SLC8A1: variants seen among roughly 807,000 people sequenced by gnomAD.
The protein encoded by SLC8A1 is solute carrier family 8 member A1.
A neutral mutation model predicts 68.3 loss-of-function variants in SLC8A1; 18 were observed. That is an observed-to-expected ratio of 0.26 (90% CI 0.18 to 0.39). SLC8A1 has a LOEUF of 0.39. Ranked by LOEUF, SLC8A1 falls within the 10% of genes least tolerant of loss-of-function variation. SLC8A1 has a pLI of 1.00. For missense variants in SLC8A1, 985 were observed against 1,156.7 expected, an observed-to-expected ratio of 0.85 and a Z score of 2.15; for synonymous variants, 475 against 415.5, an observed-to-expected ratio of 1.14 and a Z score of -1.74.
intron 2 of SLC8A1, among the ~76,000 whole-genome samples, chr2:40,229,776 G>C (rs2059423899): frequency 6.6e-6 from 1 of 152,074 alleles, no homozygotes; most frequent in African/African-American, 2.4e-5. Context: ...CTTACTTTTT[G>C]CCTTCCTGTA....
chr2:40,437,286 C>G (rs1246174865), intron 1 of SLC8A1, among the ~76,000 whole-genome samples: 1 of 152,140 alleles, frequency 6.6e-6, no homozygotes, highest in African/African-American at 2.4e-5. Context: ...CATGCTGCCC[C>G]TTCTTCCCAC....
intron 2 of SLC8A1, among the ~76,000 whole-genome samples, chr2:40,321,714 A>G (rs2149342160): frequency 6.6e-6 from 1 of 152,194 alleles, no homozygotes; most frequent in East Asian, 1.9e-4. Flanking sequence ...CACTATCACA[A>G]GAACAGCATG....
chr2:40,105,911 G>C (rs909141843), exon 8 of SLC8A1: 1 of 152,220 alleles, frequency 6.6e-6, no homozygotes, highest in Non-Finnish European at 1.5e-5. Flanking sequence ...GACATTAACA[G>C]TGATAGGTTT....
At chr2:40,242,628 G>T (rs868587969) in intron 2 of SLC8A1, among the ~76,000 whole-genome samples, 8 of 152,162 alleles carry the variant, frequency 5.3e-5, no homozygotes, top group Non-Finnish European at 1.2e-4. Flanking sequence ...CCACTTCTTT[G>T]CATTAGGCAT....
intron 2 of SLC8A1, among the ~76,000 whole-genome samples, chr2:40,194,156 C>T (rs2052464484): frequency 6.6e-6 from 1 of 152,092 alleles, no homozygotes; most frequent in South Asian, 2.1e-4. Context: ...AAATTCAGAT[C>T]TGAGCACATA....
At chr2:40,426,469 G>A (rs549749921) in intron 2 of SLC8A1, among the ~76,000 whole-genome samples, 1 of 152,122 alleles carries the variant, frequency 6.6e-6, no homozygotes, top group South Asian at 2.1e-4. Flanking sequence ...GGCAGAATAA[G>A]TTATTCTATC....
At chr2:40,119,953 C>G (rs2036405859) in intron 7 of SLC8A1, among the ~76,000 whole-genome samples, 1 of 152,176 alleles carries the variant, frequency 6.6e-6, no homozygotes, top group African/African-American at 2.4e-5. Context: ...TGCAGACCTG[C>G]CTCAAGTTCA....
chr2:40,159,851 C>T (rs910412751), intron 6 of SLC8A1, among the ~76,000 whole-genome samples: 5 of 152,116 alleles, frequency 3.3e-5, no homozygotes, highest in Non-Finnish European at 5.9e-5. Flanking sequence ...GTCAAATTAC[C>T]CTGTGGCAGA....
exon 8 of SLC8A1, chr2:40,105,230 A>G (rs1485691572): frequency 6.6e-6 from 1 of 152,234 alleles, no homozygotes; most frequent in Non-Finnish European, 1.5e-5. Flanking sequence ...CAAAACATCA[A>G]GAGAGTCTGA....
At chr2:40,125,743 T>C (rs889839330) in intron 7 of SLC8A1, among the ~76,000 whole-genome samples, 3 of 151,812 alleles carry the variant, frequency 2.0e-5, no homozygotes, top group Admixed American at 6.6e-5. Context: ...ACGTAACTTA[T>C]AATGAAAAAA....
intron 2 of SLC8A1, among the ~76,000 whole-genome samples, chr2:40,216,096 T>G (rs11682470): frequency 0.45 from 67,316 of 151,088 alleles, 16,810 homozygotes; most frequent in Middle Eastern, 0.59. Flanking sequence ...TACATAGGTA[T>G]ACGTGTGCCA....
intron 7 of SLC8A1, chr2:40,123,378 A>G (rs2037352850): frequency 6.6e-6 from 1 of 152,262 alleles, no homozygotes; most frequent in Admixed American, 6.5e-5. Context: ...ATTAAGAAGG[A>G]GCTATTTTCA....
chr2:40,391,457 G>A lies in SLC8A1; in HGVS notation c.1808+37016C>T, dbSNP rs561155966. Among the ~76,000 whole-genome samples, 21 of 150,816 alleles carry A rather than the reference G, an allele frequency of 1.4e-4. 1 individual carries two copies. The East Asian group carries it at 4.1e-3, about 29-fold the overall frequency. ...GAAAATCCAATTGTTCTGGCTGGTGGCAAACTAGGAGATTACAGCTGAATT... is the reference window on the plus strand; with the variant it reads ...GAAAATCCAATTGTTCTGGCTGGTGACAAACTAGGAGATTACAGCTGAATT... On this transcript the variant is annotated intron_variant, in intron 2 of 7. Coordinates refer to ENST00000406785, the Ensembl canonical transcript of SLC8A1.
At chr2:40,237,433 T>G (rs4952598) in intron 2 of SLC8A1, among the ~76,000 whole-genome samples, 1 of 150,852 alleles carries the variant, frequency 6.6e-6, no homozygotes, top group African/African-American at 2.5e-5. Context: ...ACGTAGTTCT[T>G]GAGCCTTGGT....
chr2:40,320,250 CT>C (rs1211651137), intron 2 of SLC8A1, among the ~76,000 whole-genome samples: 3 of 151,820 alleles, frequency 2.0e-5, no homozygotes, highest in African/African-American at 7.3e-5. Flanking sequence ...AATACTTATT[CT>C]TTTTTTTCAA....
chr2:40,140,567 G>C (rs1293000957), intron 6 of SLC8A1, among the ~76,000 whole-genome samples: 2 of 152,238 alleles, frequency 1.3e-5, no homozygotes, highest in African/African-American at 2.4e-5. Context: ...AAATTGGGGA[G>C]GGGGTGGACA....
At chr2:40,103,838 G>C (rs1252333730) in exon 8 of SLC8A1, 1 of 152,168 alleles carries the variant, frequency 6.6e-6, no homozygotes, top group Non-Finnish European at 1.5e-5. Flanking sequence ...CAAACTTCAT[G>C]TGGTTACATG....
At chr2:40,130,108 C>G (rs903121018) in intron 7 of SLC8A1, among the ~76,000 whole-genome samples, 1 of 152,156 alleles carries the variant, frequency 6.6e-6, no homozygotes, top group Non-Finnish European at 1.5e-5. Context: ...CAACAAAAAA[C>G]CCTTAAAAGT....
rs531366862 is a variant in SLC8A1, at chr2:40,465,668, T to C, written c.-24-35364A>G. 1.2e-4 allele frequency among the ~76,000 whole-genome samples: 19 copies of C among 152,298 alleles called. No individual in the cohort carries two copies. The South Asian group carries it at 3.9e-3, about 32-fold the overall frequency. On this transcript the variant is annotated intron_variant, in intron 1 of 7. Coordinates refer to the SLC8A1 transcript ENST00000402441. Reference sequence around the variant, plus strand: ...TAGGTCATTATAAAGAATTTTAATATATATACATGGAATATGTTATATTCG... The same window carrying C: ...TAGGTCATTATAAAGAATTTTAATACATATACATGGAATATGTTATATTCG...
Sources: gnomAD v4.1 joint callset for allele counts (sites outside exome capture counted in the v4.1 genomes callset) on GRCh38, gnomAD v4.1.1 for gene constraint, MANE v1.5 for transcripts, NCBI Gene and HGNC (gene_info 2026-07-23, HGNC 2026-07-21) for gene names.